Variants in GRIN2C observed in about 807,000 individuals in gnomAD.
GRIN2C encodes the protein glutamate ionotropic receptor NMDA type subunit 2C, also known as glutamate receptor ionotropic, NMDA 2C.
GRIN2C carries 64 observed loss-of-function variants against 77.7 expected under a neutral mutation model. The observed-to-expected ratio is 0.82, with a 90% CI of 0.67 to 1.01. The LOEUF is 1.01. Among genes scored for constraint, GRIN2C ranks in the 50% least tolerant of loss-of-function variants. GRIN2C has a pLI of 0.00. For missense variants in GRIN2C, 1,549 were observed against 1,486.0 expected, an observed-to-expected ratio of 1.04 and a Z score of -0.70; for synonymous variants, 792 against 643.4, an observed-to-expected ratio of 1.23 and a Z score of -3.49.
chr17:74,842,903 A>T lies in GRIN2C; in HGVS notation c.3234T>A (p.Arg1078=). The T allele has an allele frequency of 1.8e-6, 1 of 570,650 alleles. No individual in the cohort carries two copies. Among genetic ancestry groups the T allele is most frequent in the Non-Finnish European group, 3.1e-6 (1 of 325,156 alleles). The allele number at this position is 570,650 out of a possible 1,614,324, so 35.3% of individuals were successfully genotyped here. The part of the protein sequence containing the change: ...HAAWARGSRP[R]HASLPSSVAE... ...CCACGGAGCTGGGCAGGGAAGCGTG[A>T]CGCGGGCGCGAGCCCCGGGCCCAGG... The change falls in exon 13 of 13, where the codon CGT becomes CGA. Residue 1078 remains arginine, a synonymous_variant. Coordinates refer to ENST00000293190, the MANE Select transcript of GRIN2C (RefSeq NM_000835.6).
rs778880702 is a variant in GRIN2C at position 74,842,713 on chromosome 17, C to A, written c.3424G>T (p.Ala1142Ser). The A allele has an allele frequency of 2.8e-6, 2 of 712,022 alleles. No individual in the cohort carries two copies. The highest frequency in any genetic ancestry group is 5.2e-6 in the Non-Finnish European group (2 of 383,478). The allele number at this position is 712,022 out of a possible 1,614,324, so 44.1% of individuals were successfully genotyped here. ...CAGACGTGCTGTCTGTGCTGCCAGG[C>A]GGGGGCCCCTGCCTGCTCGCCCTCC... ...CQEGEQAGAPAWQHRQHVCLH... is the reference protein window; with the variant it reads ...CQEGEQAGAPSWQHRQHVCLH... Residue 1142 changes from alanine to serine, a missense_variant, in exon 13 of 13, where the codon GCC (alanine) becomes TCC (serine). Coordinates refer to ENST00000293190, the MANE Select transcript of GRIN2C (RefSeq NM_000835.6).
chr17:74,842,540 T>A lies in GRIN2C; in HGVS notation c.3597A>T (p.Arg1199Ser), dbSNP rs777206594. Reference protein sequence around the residue: ...GRTLGLGTGYRDSGGLDEISR... With the variant: ...GRTLGLGTGYSDSGGLDEISR... ...TGATCTCGTCCAGTCCCCCACTGTC[T>A]CTGTAGCCTGTGCCCAGCCCCAGAG... The change falls in exon 13 of 13, where the codon AGA (arginine) becomes AGT (serine). Residue 1199 changes from arginine to serine, a missense_variant. By Grantham distance (110) the Arg-to-Ser change is moderately radical. Transcript: ENST00000293190. 2 of 777,122 alleles carry A rather than the reference T, an allele frequency of 2.6e-6. No homozygotes were observed. The highest frequency in any genetic ancestry group is 2.7e-5 in the South Asian group (2 of 74,358). 48.1% of individuals were successfully genotyped at this position (777,122 alleles called of 1,614,324 possible). A position where few individuals can be genotyped will look rare whatever the true frequency, so the allele number is the denominator to read the frequency against.
chr17:74,847,813 C>T lies in GRIN2C; in HGVS notation c.1771+39G>A. ...CCCCTGAGCCCAGCCCTCAGGGTGCCCAGGCCCACCCCTCCTGCCGGGCCC... is the reference window on the plus strand; with the variant it reads ...CCCCTGAGCCCAGCCCTCAGGGTGCTCAGGCCCACCCCTCCTGCCGGGCCC... On this transcript the variant is annotated intron_variant, in intron 8 of 12. Coordinates refer to ENST00000293190, the MANE Select transcript of GRIN2C (RefSeq NM_000835.6). This position sits in a 1 kb window ranked among gnomAD's most constrained non-coding sequence, Gnocchi z 5.2. 1 of 1,611,574 alleles carries T rather than the reference C, an allele frequency of 6.2e-7. No homozygotes were observed. The highest frequency in any genetic ancestry group is 8.5e-7 in the Non-Finnish European group (1 of 1,178,300).
chr17:74,860,315 C>G, upstream of GRIN2C: 1 of 420,870 alleles, frequency 2.4e-6, no homozygotes, highest in Non-Finnish European at 4.9e-6. Context: ...GGGTCAGGGA[C>G]TGAACTAAGA....
rs1275740064 is a variant in GRIN2C at position 74,859,502 on chromosome 17, AC to A, written c.-16+241del. 6.7e-6 allele frequency among the ~76,000 whole-genome samples: 1 copy of A among 149,224 alleles called. No individual in the cohort carries two copies. The highest frequency in any genetic ancestry group is 1.5e-5 in the Non-Finnish European group (1 of 67,278). On this transcript the variant is annotated intron_variant, in intron 1 of 12. Transcript: ENST00000293190. The surrounding 1 kb of genome is among the most constrained non-coding windows in gnomAD (Gnocchi z 5.9). ...CCCCACCCACCAGCAGAACCCCCGG[AC>A]CCCCTGCCCTTCCGGTGAGCCGCCC...
chr17:74,854,485 C>G (rs2037754092), intron 2 of GRIN2C: 2 of 553,516 alleles, frequency 3.6e-6, no homozygotes, highest in Non-Finnish European at 3.2e-6. Flanking sequence ...ACCCCTCATC[C>G]AGACACAATG....
At chr17:74,860,939 C>T, upstream of GRIN2C, 1 of 186,864 alleles carries the variant, frequency 5.4e-6, no homozygotes, top group Non-Finnish European at 1.1e-5. Context: ...CCGCACAGCC[C>T]CCTTTCACCT....
Position 74,847,748 on chromosome 17 carries a change from G to T in GRIN2C, c.1771+104C>A. The T allele has an allele frequency of 8.1e-7, 1 of 1,236,106 alleles. No homozygotes were observed. Among genetic ancestry groups the T allele is most frequent in the South Asian group, 1.3e-5 (1 of 77,734 alleles). The allele number at this position is 1,236,106 out of a possible 1,614,324, so 76.6% of individuals were successfully genotyped here. A position where few individuals can be genotyped will look rare whatever the true frequency, so the allele number is the denominator to read the frequency against. On this transcript the variant is annotated intron_variant, in intron 8 of 12. Coordinates refer to ENST00000293190, the MANE Select transcript of GRIN2C (RefSeq NM_000835.6). The surrounding 1 kb of genome is among the most constrained non-coding windows in gnomAD (Gnocchi z 5.2). ...GGCCCCCAGCATGTGCCATCCAAAA[G>T]CAAGGGACCTCCCAAAGGTATTCTC...
Position 74,854,711 on chromosome 17 carries a change from C to G in GRIN2C, c.382G>C (p.Val128Leu). ...PILSISGGSAVVLTPKEPGSA... is the reference protein window; with the variant it reads ...PILSISGGSALVLTPKEPGSA... The stretch of plus-strand genomic sequence containing the variant: ...ACATGCACCTTGGGGGTGAGGACCA[C>G]AGCAGAGCCTCCGCTGATGCTGAGG... Residue 128 changes from valine to leucine, a missense_variant, in exon 2 of 13, where the codon GTG becomes CTG. By Grantham distance (32) the Val-to-Leu change is conservative. Around this residue, in one of 3 missense-constraint regions of GRIN2C, gnomAD observed 382 missense variants for 360.0 expected, o/e 1.06. Coordinates refer to ENST00000293190, the MANE Select transcript of GRIN2C (RefSeq NM_000835.6). 3 of 1,608,500 alleles carry G rather than the reference C, an allele frequency of 1.9e-6. No homozygotes were observed. Among genetic ancestry groups the G allele is most frequent in the Non-Finnish European group, 2.6e-6 (3 of 1,175,540 alleles).
intron 7 of GRIN2C, among the ~76,000 whole-genome samples, chr17:74,848,627 G>A (rs1220830276): frequency 6.6e-6 from 1 of 152,176 alleles, no homozygotes; most frequent in East Asian, 1.9e-4. Flanking sequence ...TTGAACCCAG[G>A]AGGCGGCAGT....
intron 1 of GRIN2C, among the ~76,000 whole-genome samples, chr17:74,858,311 ACT>A (rs2037869038): frequency 1.7e-5 from 2 of 117,814 alleles, no homozygotes; most frequent in Non-Finnish European, 3.2e-5. Context: ...GACACCAGAG[ACT>A]CTCTCCAAAG....
intron 2 of GRIN2C, 163 bp from the exon 3 acceptor site, chr17:74,852,774 T>G: frequency 2.2e-6 from 1 of 461,858 alleles, no homozygotes; most frequent in Non-Finnish European, 3.8e-6. Context: ...CCCAATGTGG[T>G]TCCCCGCTGC....
At position 74,850,841 on chromosome 17, in the gene GRIN2C, G is replaced by A; in HGVS notation, c.1114-74C>T. ...CACCCTCTAGGTGGAGCCTGCCAGG[G>A]CCAAGAATCTCCCTCTCTCACCTAG... On this transcript the variant is annotated intron_variant, in intron 4 of 12. Coordinates refer to ENST00000293190, the MANE Select transcript of GRIN2C (RefSeq NM_000835.6). The surrounding 1 kb of genome is among the most constrained non-coding windows in gnomAD (Gnocchi z 5.3). The A allele has an allele frequency of 2.4e-6, 3 of 1,245,924 alleles. No homozygotes were observed. Among genetic ancestry groups the A allele is most frequent in the Non-Finnish European group, 2.3e-6 (2 of 871,948 alleles). The allele number at this position is 1,245,924 out of a possible 1,614,324, so 77.2% of individuals were successfully genotyped here.
At chr17:74,845,956 C>G (rs1216141522) in intron 11 of GRIN2C, 110 bp downstream of exon 11, 11 of 1,019,338 alleles carry the variant, frequency 1.1e-5, no homozygotes, top group Non-Finnish European at 1.7e-5. Flanking sequence ...TCTCACCCCC[C>G]AGAGACCTCT....
At chr17:74,860,313 G>T, upstream of GRIN2C, 1 of 420,292 alleles carries the variant, frequency 2.4e-6, no homozygotes, top group Non-Finnish European at 4.9e-6. Context: ...CGGGGTCAGG[G>T]ACTGAACTAA....
Position 74,854,752 on chromosome 17 carries a change from T to A in GRIN2C, c.341A>T (p.Gln114Leu), listed in dbSNP as rs143584544. The A allele has an allele frequency of 1.3e-5, 21 of 1,613,302 alleles. No homozygotes were observed. Among genetic ancestry groups the A allele is most frequent in the Non-Finnish European group, 1.6e-5 (19 of 1,179,506 alleles). ...VAQILDFISS[Q>L]THVPILSISG... ...GATGCTGAGGATGGGCACATGGGTCTGGGAGGAGATGAAGTCAAGGATCTG... is the reference window on the plus strand; with the variant it reads ...GATGCTGAGGATGGGCACATGGGTCAGGGAGGAGATGAAGTCAAGGATCTG... The change falls in exon 2 of 13, where the codon CAG (glutamine) becomes CTG (leucine). Residue 114 changes from glutamine to leucine, a missense_variant. Gln to Leu is a moderately radical substitution (Grantham distance 113). This residue lies in a region of GRIN2C where 382 missense variants were observed against 360.0 expected (regional missense o/e 1.06). Coordinates refer to ENST00000293190, the MANE Select transcript of GRIN2C (RefSeq NM_000835.6).
At position 74,846,360 on chromosome 17, in the gene GRIN2C, C is replaced by A; in HGVS notation, c.2163-107G>T. On this transcript the variant is annotated intron_variant, in intron 10 of 12. Coordinates refer to ENST00000293190, the MANE Select transcript of GRIN2C (RefSeq NM_000835.6). The surrounding 1 kb of genome is among the most constrained non-coding windows in gnomAD (Gnocchi z 4.4). ...ACCACATGAGCCTGCTGGGCACCCC[C>A]GGGAGGGACCAATGGGCAGAGACTT... 3 of 908,472 alleles carry A rather than the reference C, an allele frequency of 3.3e-6. No individual in the cohort carries two copies. The highest frequency in any genetic ancestry group is 5.2e-6 in the Non-Finnish European group (3 of 580,922). The allele number at this position is 908,472 out of a possible 1,614,324, so 56.3% of individuals were successfully genotyped here. A position where few individuals can be genotyped will look rare whatever the true frequency, so the allele number is the denominator to read the frequency against.
rs142472320 is a variant in GRIN2C at position 74,849,359 on chromosome 17, C to T, written c.1645+421G>A. Among the ~76,000 whole-genome samples the T allele has an allele frequency of 1.6e-4, 25 of 152,330 alleles. No homozygotes were observed. In the East Asian group the frequency reaches 4.4e-3, roughly 27 times the overall value. On this transcript the variant is annotated intron_variant, in intron 7 of 12. Transcript: ENST00000293190. This position sits in a 1 kb window ranked among gnomAD's most constrained non-coding sequence, Gnocchi z 4.6. ...AAGACTACGCTGTAGCCCCAGCACCCAGCATGGGACCTGGCTGCCCAACCA... is the reference window on the plus strand; with the variant it reads ...AAGACTACGCTGTAGCCCCAGCACCTAGCATGGGACCTGGCTGCCCAACCA...
rs774554426 is a variant in GRIN2C at position 74,850,753 on chromosome 17, C to T, written c.1128G>A (p.Glu376=). Residue 376 remains glutamate, a synonymous_variant, in exon 5 of 13, where the codon GAG becomes GAA. Transcript: ENST00000293190. This position sits in a 1 kb window ranked among gnomAD's most constrained non-coding sequence, Gnocchi z 5.3. ...GGTACTTCATGTATAGGACGCCATG[C>T]TCCCAGCGCCCCACCTGTGGAGGGT... ...HRLWEMVGRW[E]HGVLYMKYPV... The T allele has an allele frequency of 1.2e-6, 2 of 1,612,108 alleles. No homozygotes were observed. The highest frequency in any genetic ancestry group is 1.7e-4 in the Middle Eastern group (1 of 5,886).
Sources: allele counts gnomAD v4.1 joint callset (sites outside exome capture counted in the v4.1 genomes callset), GRCh38; gene constraint gnomAD v4.1.1; regional missense constraint gnomAD v4.1.1; non-coding constraint Gnocchi (gnomAD v3.1); transcripts MANE v1.5; gene names NCBI Gene and HGNC (gene_info 2026-07-23, HGNC 2026-07-21).